Variants in PCBP3 observed in about 807,000 individuals in gnomAD.
PCBP3 encodes poly(rC)-binding protein 3.
PCBP3 carries 25 observed loss-of-function variants against 52.7 expected under a neutral mutation model. That is an observed-to-expected ratio of 0.47 (90% CI 0.35 to 0.66). PCBP3 has a LOEUF of 0.66. PCBP3 is among the 30% of genes least tolerant of loss of function. The probability of loss-of-function intolerance (pLI) is 0.01; values close to 1 mark genes in which losing one functional copy is unlikely to be tolerated. For missense variants in PCBP3, 391 were observed against 490.3 expected (o/e 0.80, Z 1.91); for synonymous variants, 162 against 183.0 (o/e 0.89, Z 0.93).
rs2085868921 is a variant in PCBP3 at position 45,736,330 on chromosome 21, C to T, written c.-162+901C>T. Among the ~76,000 whole-genome samples, 1 of 152,226 alleles carries T rather than the reference C, an allele frequency of 6.6e-6. No homozygotes were observed. The highest frequency in any genetic ancestry group is 1.5e-5 in the Non-Finnish European group (1 of 68,040). ...GGATTTGAGCCAAGTCTTCCAACTTCACAATAGCAGAGTAAGAAGAGCTGC... is the reference window on the plus strand; with the variant it reads ...GGATTTGAGCCAAGTCTTCCAACTTTACAATAGCAGAGTAAGAAGAGCTGC... On this transcript the variant is annotated intron_variant, in intron 3 of 17. Transcript: ENST00000681687. The surrounding 1 kb of genome is among the most constrained non-coding windows in gnomAD (Gnocchi z 4.6).
At chr21:45,653,377 GTT>G (rs1327153704) in intron 1 of PCBP3, among the ~76,000 whole-genome samples, 1 of 151,990 alleles carries the variant, frequency 6.6e-6, no homozygotes, top group Non-Finnish European at 1.5e-5. Context: ...AGTTCTGCCA[GTT>G]TTTATGTATA....
chr21:45,813,591 G>A (rs780539661), intron 4 of PCBP3, among the ~76,000 whole-genome samples: 78 of 152,240 alleles, frequency 5.1e-4, no homozygotes, highest in African/African-American at 1.4e-3. Flanking sequence ...ACAGGCATGC[G>A]CCACAACGCC....
intron 2 of PCBP3, among the ~76,000 whole-genome samples, chr21:45,673,355 C>A (rs914079428): frequency 1.3e-5 from 2 of 152,030 alleles, no homozygotes; most frequent in African/African-American, 2.4e-5. Flanking sequence ...TTGTTTTTAA[C>A]TGTATTAACA....
chr21:45,718,610 A>G (rs1004036331), intron 2 of PCBP3, among the ~76,000 whole-genome samples: 3 of 152,126 alleles, frequency 2.0e-5, no homozygotes, highest in African/African-American at 7.2e-5. Flanking sequence ...AAAATGCCAC[A>G]ATGCTCACTG....
chr21:45,910,739 A>T (rs1442825956), intron 10 of PCBP3, among the ~76,000 whole-genome samples, 163 bp from the exon 11 acceptor site: 1 of 151,880 alleles, frequency 6.6e-6, no homozygotes, highest in East Asian at 1.9e-4. Context: ...CAGGGGCAGC[A>T]TGGGGGCAGT....
At chr21:45,654,952 G>A (rs960954999) in intron 1 of PCBP3, among the ~76,000 whole-genome samples, 1 of 152,126 alleles carries the variant, frequency 6.6e-6, no homozygotes, top group Non-Finnish European at 1.5e-5. Context: ...AATTTCATAT[G>A]AGTGGAATTA....
chr21:45,814,992 AGTGG>A (rs1569259804), intron 4 of PCBP3, among the ~76,000 whole-genome samples: 2 of 93,610 alleles, frequency 2.1e-5, no homozygotes, highest in Admixed American at 1.0e-4. Flanking sequence ...GTGGTGAGTG[AGTGG>A]TGAGTGAGTG....
rs1362193107 is a variant in PCBP3, at chr21:45,815,988, GAGTGAGT to G, written c.-125-33972_-125-33966del. 3.8e-5 allele frequency among the ~76,000 whole-genome samples: 5 copies of G among 130,412 alleles called. 1 individual carries two copies. Among genetic ancestry groups the G allele is most frequent in the Non-Finnish European group, 8.2e-5 (5 of 61,004 alleles). 85.6% of individuals were successfully genotyped at this position (130,412 alleles called of 152,430 possible). On this transcript the variant is annotated intron_variant, in intron 4 of 17. Coordinates refer to ENST00000681687, the MANE Select transcript of PCBP3 (RefSeq NM_001384156.1). ...TAGTGAGTGATGAGTGGTGAGTGGT[GAGTGAGT>G]GGTGAGTGGTGAGTGAGTGGTGAGT...
At chr21:45,925,750 A>C (rs1241453864) in intron 13 of PCBP3, among the ~76,000 whole-genome samples, 1 of 152,244 alleles carries the variant, frequency 6.6e-6, no homozygotes, top group Non-Finnish European at 1.5e-5. Flanking sequence ...TGTTGATAGA[A>C]AATTCAGCTC....
chr21:45,696,589 G>A (rs758678608), intron 2 of PCBP3, among the ~76,000 whole-genome samples: 1 of 152,048 alleles, frequency 6.6e-6, no homozygotes, highest in Non-Finnish European at 1.5e-5. Context: ...TCAAGAGATC[G>A]AGACCATCCT....
intron 14 of PCBP3, 90 bp from the exon 15 acceptor site, chr21:45,930,696 C>A (rs1408082624): frequency 2.8e-5 from 19 of 681,496 alleles, no homozygotes; most frequent in Non-Finnish European, 4.3e-5. Flanking sequence ...GGTGCGTGCG[C>A]CAGTCATATT....
At chr21:45,780,885 T>G (rs1031170302) in intron 4 of PCBP3, among the ~76,000 whole-genome samples, 1 of 152,052 alleles carries the variant, frequency 6.6e-6, no homozygotes, top group Non-Finnish European at 1.5e-5. Context: ...GAATTTTAGT[T>G]TGTGGGTTTA....
intron 2 of PCBP3, among the ~76,000 whole-genome samples, chr21:45,674,874 C>T (rs1336220499): frequency 6.6e-6 from 1 of 152,104 alleles, no homozygotes; most frequent in Non-Finnish European, 1.5e-5. Context: ...GGGATCCAGC[C>T]CCACATGACT....
At chr21:45,812,118 T>C (rs1323107380) in intron 4 of PCBP3, among the ~76,000 whole-genome samples, 1 of 152,252 alleles carries the variant, frequency 6.6e-6, no homozygotes, top group Non-Finnish European at 1.5e-5. Context: ...ACAATATACT[T>C]CCATTTAACT....
chr21:45,796,366 C>T (rs1002745530), intron 4 of PCBP3, among the ~76,000 whole-genome samples: 2 of 152,164 alleles, frequency 1.3e-5, no homozygotes, highest in African/African-American at 4.8e-5. Context: ...TTAGGAAGAG[C>T]TTTTTACAAT....
chr21:45,812,872 C>T (rs566798768), intron 4 of PCBP3, among the ~76,000 whole-genome samples: 2 of 152,308 alleles, frequency 1.3e-5, no homozygotes, highest in East Asian at 3.9e-4. Context: ...CTGGCTTCCA[C>T]TGTTTTTGAT....
chr21:45,924,852 AG>A (rs1405844376), intron 13 of PCBP3, among the ~76,000 whole-genome samples: 1 of 44,310 alleles, frequency 2.3e-5, no homozygotes, highest in Admixed American at 1.8e-4. Flanking sequence ...GGGTAGAAAC[AG>A]CACACGTAAG....
Position 45,805,530 on chromosome 21 carries a change from T to TCAGAGGCC in PCBP3, c.-125-44430_-125-44423dup, listed in dbSNP as rs1302744807. On this transcript the variant is annotated intron_variant, in intron 4 of 17. Transcript: ENST00000681687. This position sits in a 1 kb window ranked among gnomAD's most constrained non-coding sequence, Gnocchi z 4.6. ...ACCTGGGTTGGTGCCAACGAGGTGC[T>TCAGAGGCC]CAGAGGCCTTGTGGGCAGTGTGGCA... Among the ~76,000 whole-genome samples the TCAGAGGCC allele has an allele frequency of 6.6e-6, 1 of 152,150 alleles. No individual in the cohort carries two copies. Among genetic ancestry groups the TCAGAGGCC allele is most frequent in the African/African-American group, 2.4e-5 (1 of 41,432 alleles).
intron 4 of PCBP3, among the ~76,000 whole-genome samples, chr21:45,825,939 C>T (rs1411526381): frequency 2.0e-5 from 3 of 151,984 alleles, no homozygotes; most frequent in African/African-American, 7.2e-5. Context: ...CAAGTTACTA[C>T]CTATGAAAGA....
Sources: gnomAD v4.1 joint callset for allele counts (sites outside exome capture counted in the v4.1 genomes callset) on GRCh38, gnomAD v4.1.1 for gene constraint, Gnocchi (gnomAD v3.1) non-coding constraint, MANE v1.5 for transcripts, NCBI Gene and HGNC (gene_info 2026-07-23, HGNC 2026-07-21) for gene names.